Variants in PITPNM1 observed in about 807,000 individuals in gnomAD.
The protein encoded by PITPNM1 is membrane-associated phosphatidylinositol transfer protein 1.
A neutral mutation model predicts 133.3 loss-of-function variants in PITPNM1; 74 were observed. The observed-to-expected ratio is 0.56, with a 90% confidence interval of 0.46 to 0.67. The LOEUF (loss-of-function observed/expected upper bound fraction) is 0.67. Ranked by LOEUF, PITPNM1 falls within the 30% of genes least tolerant of loss-of-function variation. The probability of loss-of-function intolerance (pLI) is 0.00; values close to 1 mark genes in which losing one functional copy is unlikely to be tolerated. For synonymous variants in PITPNM1, 738 were observed against 741.4 expected (o/e 1.00, Z 0.08); for missense variants, 1,398 against 1,739.5 (o/e 0.80, Z 3.49).
At position 67,498,205 on chromosome 11, in the gene PITPNM1, G is replaced by T. The variant is rs763694389; in HGVS notation, c.1602C>A (p.Thr534=). Residue 534 remains threonine, a synonymous_variant, in exon 11 of 24, where the codon ACC becomes ACA. Coordinates refer to ENST00000356404, the MANE Select transcript of PITPNM1 (RefSeq NM_004910.3). This position sits in a 1 kb window ranked among gnomAD's most constrained non-coding sequence, Gnocchi z 5.7. Reference sequence around the variant, plus strand: ...AGGCCTGGTTGGTGCGGGCAATGACGGTGGCCACGGCGCCCTGGTAGCGGG... The same window carrying T: ...AGGCCTGGTTGGTGCGGGCAATGACTGTGGCCACGGCGCCCTGGTAGCGGG... ...SSSRYQGAVA[T]VIARTNQAYS... 10 of 1,613,100 alleles carry T rather than the reference G, an allele frequency of 6.2e-6. No homozygotes were observed. The highest frequency in any genetic ancestry group is 7.6e-6 in the Non-Finnish European group (9 of 1,179,866).
intron 2 of PITPNM1, chr11:67,503,867 A>C: frequency 1.4e-4 from 55 of 390,998 alleles, no homozygotes; most frequent in Non-Finnish European, 1.4e-4. Context: ...CCCCGATGGG[A>C]TTACAGATCC....
chr11:67,492,850 CCA>C, intron 23 of PITPNM1, 82 bp downstream of exon 23: 2 of 1,507,568 alleles, frequency 1.3e-6, no homozygotes, highest in Non-Finnish European at 1.8e-6. Context: ...CACATCTTCC[CCA>C]GAGTCCGTGG....
At chr11:67,503,832 G>GC (rs1866407944) in intron 2 of PITPNM1, 1 of 354,304 alleles carries the variant, frequency 2.8e-6, no homozygotes, top group African/African-American at 2.1e-5. Flanking sequence ...CCTCATTCTT[G>GC]CCGCCTCCTG....
chr11:67,498,453 T>A lies in PITPNM1; in HGVS notation c.1485-131A>T. The A allele has an allele frequency of 1.4e-6, 2 of 1,425,274 alleles. No homozygotes were observed. The highest frequency in any genetic ancestry group is 1.9e-6 in the Non-Finnish European group (2 of 1,062,082). The allele number at this position is 1,425,274 out of a possible 1,614,324, so 88.3% of individuals were successfully genotyped here. A position where few individuals can be genotyped will look rare whatever the true frequency, so the allele number is the denominator to read the frequency against. ...GGGAGCGTTAGCCCCAAGAGGCAAC[T>A]GAAATGGAGCCATTCTCCAGAACAG... On this transcript the variant is annotated intron_variant, in intron 10 of 23. Coordinates refer to ENST00000356404, the MANE Select transcript of PITPNM1 (RefSeq NM_004910.3). The surrounding 1 kb of genome is among the most constrained non-coding windows in gnomAD (Gnocchi z 5.7).
chr11:67,495,038 G>C, intron 17 of PITPNM1, 39 bp downstream of exon 17: 1 of 1,604,792 alleles, frequency 6.2e-7, no homozygotes, highest in Non-Finnish European at 8.5e-7. Context: ...GCCCATCCCC[G>C]TCCCATTCTC....
In PITPNM1 at chr11:67,497,810, A is replaced by G. The variant is rs572504192; in HGVS notation, c.1782+107T>C. 4.1e-6 allele frequency: 6 copies of G among 1,461,492 alleles called. No homozygotes were observed. In the East Asian group the frequency reaches 1.4e-4, roughly 34 times the overall value. The allele number at this position is 1,461,492 out of a possible 1,614,324, so 90.5% of individuals were successfully genotyped here. A position where few individuals can be genotyped will look rare whatever the true frequency, so the allele number is the denominator to read the frequency against. On this transcript the variant is annotated intron_variant, in intron 12 of 23. Transcript: ENST00000356404. ...CAGAGAAGACATGAACTGGCAGGGC[A>G]GCAGGGGGCCTGCCTGCTGGCAGAG...
chr11:67,504,085 T>C lies in PITPNM1; in HGVS notation c.78+18A>G. On this transcript the variant is annotated intron_variant, in intron 2 of 23. Coordinates refer to ENST00000356404, the MANE Select transcript of PITPNM1 (RefSeq NM_004910.3). This position sits in a 1 kb window ranked among gnomAD's most constrained non-coding sequence, Gnocchi z 5.4. Reference sequence around the variant, plus strand: ...GGCTCCACCCCTTGCCCGGGTGCCCTCTCCCCGCCGCCCTCACCTGGATCA... The same window carrying C: ...GGCTCCACCCCTTGCCCGGGTGCCCCCTCCCCGCCGCCCTCACCTGGATCA... The C allele has an allele frequency of 1.3e-6, 2 of 1,579,196 alleles. No homozygotes were observed. Among genetic ancestry groups the C allele is most frequent in the African/African-American group, 1.3e-5 (1 of 74,304 alleles).
At position 67,497,950 on chromosome 11, in the gene PITPNM1, G is replaced by A. The variant is rs745933424; in HGVS notation, c.1749C>T (p.Thr583=). 18 of 1,610,924 alleles carry A rather than the reference G, an allele frequency of 1.1e-5. No homozygotes were observed. Among genetic ancestry groups the A allele is most frequent in the Admixed American group, 5.0e-5 (3 of 59,990 alleles). ...CACGGCGGCTGCTGCCCCGACTCCC[G>A]GTGCCCGCGTTAGCACTGTGGCAGA... ...DALCHSANAG[T]GSRGSSRRGS... is the part of the protein sequence containing the mutation. The change falls in exon 12 of 24, where the codon ACC becomes ACT. Residue 583 remains threonine (T), a synonymous_variant. Transcript: ENST00000356404.
At chr11:67,499,659 C>A (rs1217197875) in intron 8 of PITPNM1, 64 bp downstream of exon 8, 25 of 695,686 alleles carry the variant, frequency 3.6e-5, no homozygotes, top group Non-Finnish European at 5.1e-5. Context: ...TCTTAAGATG[C>A]CATTAAACTC....
At position 67,502,377 on chromosome 11, in the gene PITPNM1, T is replaced by C. The variant is rs1039719789; in HGVS notation, c.330A>G (p.Glu110=). 4 of 1,613,784 alleles carry C rather than the reference T, an allele frequency of 2.5e-6. No homozygotes were observed. The highest frequency in any genetic ancestry group is 3.4e-6 in the Non-Finnish European group (4 of 1,180,036). The change falls in exon 4 of 24, where the codon GAA becomes GAG. Residue 110 remains glutamate (E), a synonymous_variant. Transcript: ENST00000356404. The surrounding 1 kb of genome is among the most constrained non-coding windows in gnomAD (Gnocchi z 5.9). Reference sequence around the variant, plus strand: ...CATCAGGCAGGTAATAGGTCTCAATTTCAATGGAGAATTTCTCCACGAAAG... The same window carrying C: ...CATCAGGCAGGTAATAGGTCTCAATCTCAATGGAGAATTTCTCCACGAAAG... ...TCPFVEKFSI[E]IETYYLPDGG...
chr11:67,494,210 A>T, intron 19 of PITPNM1, 34 bp downstream of exon 19: 2 of 1,595,156 alleles, frequency 1.3e-6, no homozygotes, highest in Non-Finnish European at 1.7e-6. Flanking sequence ...AGATGGGGCC[A>T]TGGGACCAGG....
Position 67,493,759 on chromosome 11 carries a change from G to T in PITPNM1, c.3087C>A (p.Gly1029=). ...TGATGGAGACGCTGGCGGTGAAGGA[G>T]CCGTCGATGCTGAAGACCACAGCCT... is the stretch of plus-strand genomic sequence containing the variant. The part of the protein sequence containing the change: ...GTEAVVFSID[G]SFTASVSIMG... Residue 1029 remains glycine, a synonymous_variant, in exon 21 of 24, where the codon GGC becomes GGA. Coordinates refer to ENST00000356404, the MANE Select transcript of PITPNM1 (RefSeq NM_004910.3). 1 of 1,549,020 alleles carries T rather than the reference G, an allele frequency of 6.5e-7. No individual in the cohort carries two copies. Among genetic ancestry groups the T allele is most frequent in the Non-Finnish European group, 8.7e-7 (1 of 1,147,556 alleles).
At chr11:67,499,151 A>G in intron 8 of PITPNM1, 150 bp from the exon 9 acceptor site, 1 of 745,754 alleles carries the variant, frequency 1.3e-6, no homozygotes, top group East Asian at 2.7e-5. Context: ...CTCCCAGGTC[A>G]GTTTGTATTT....
upstream of PITPNM1, chr11:67,506,047 C>T (rs1866501854): frequency 6.6e-6 from 1 of 152,402 alleles, no homozygotes; most frequent in South Asian, 2.1e-4. Context: ...GCCAGCCCCT[C>T]CCCTTGACAC....
chr11:67,493,641 C>G (rs1305881137), intron 21 of PITPNM1, 47 bp downstream of exon 21: 1 of 1,544,690 alleles, frequency 6.5e-7, no homozygotes, highest in Non-Finnish European at 8.7e-7. Flanking sequence ...GGGTGAGGGG[C>G]CGGTCACCCC....
rs539234152 is a variant in PITPNM1, at chr11:67,499,918, G to A, written c.1059C>T (p.Ala353=). ...ENSSEEEFFD[A]HEGFSDSEEV... ...AAAAAGGGCCTCAGTGCTGACCGTG[G>A]GCATCAAAGAACTCTTCCTCGGAGC... Residue 353 remains alanine, a synonymous_variant, in exon 7 of 24, where the codon GCC becomes GCT. Transcript: ENST00000356404. 49 of 1,611,768 alleles carry A rather than the reference G, an allele frequency of 3.0e-5. No individual in the cohort carries two copies. The highest frequency in any genetic ancestry group is 4.0e-5 in the Non-Finnish European group (47 of 1,179,222).
chr11:67,494,475 G>A, intron 18 of PITPNM1, 115 bp from the exon 19 acceptor site: 3 of 740,190 alleles, frequency 4.1e-6, no homozygotes, highest in Non-Finnish European at 6.5e-6. Context: ...GAGGCGGCGG[G>A]GCATTGAGGG....
chr11:67,505,112 T>A lies in PITPNM1; in HGVS notation c.-42+76A>T, dbSNP rs1866458025. ...CGCGAGCAAGCGAGAGGCCCCGTTGTCCCCACTTCCCTCTGCTCGCCGGCG... is the reference window on the plus strand; with the variant it reads ...CGCGAGCAAGCGAGAGGCCCCGTTGACCCCACTTCCCTCTGCTCGCCGGCG... On this transcript the variant is annotated intron_variant, in intron 1 of 23. Coordinates refer to ENST00000356404, the MANE Select transcript of PITPNM1 (RefSeq NM_004910.3). This position sits in a 1 kb window ranked among gnomAD's most constrained non-coding sequence, Gnocchi z 5.8. 6.5e-6 allele frequency: 1 copy of A among 152,678 alleles called. No individual in the cohort carries two copies. The highest frequency in any genetic ancestry group is 1.5e-5 in the Non-Finnish European group (1 of 68,400). 9.5% of individuals were successfully genotyped at this position (152,678 alleles called of 1,614,324 possible). A position where few individuals can be genotyped will look rare whatever the true frequency, so the allele number is the denominator to read the frequency against.
In PITPNM1 at chr11:67,492,045, G is replaced by A. The variant is rs771595855; in HGVS notation, c.3723C>T (p.Asp1241=). ...GKARSISLKL[D]SEE is the part of the protein sequence containing the mutation. Reference sequence around the variant, plus strand: ...GCTGGTGTGGGCCTCACTCCTCGCTGTCCAGCTTCAGGCTGATGCTCCGTG... The same window carrying A: ...GCTGGTGTGGGCCTCACTCCTCGCTATCCAGCTTCAGGCTGATGCTCCGTG... Residue 1241 remains aspartate, a synonymous_variant, in exon 24 of 24, where the codon GAC becomes GAT. Coordinates refer to ENST00000356404, the MANE Select transcript of PITPNM1 (RefSeq NM_004910.3). The A allele has an allele frequency of 6.2e-7, 1 of 1,612,310 alleles. No homozygotes were observed. Among genetic ancestry groups the A allele is most frequent in the Non-Finnish European group, 8.5e-7 (1 of 1,179,762 alleles).
Sources: gnomAD v4.1 joint callset for allele counts on GRCh38, gnomAD v4.1.1 for gene constraint, Gnocchi (gnomAD v3.1) non-coding constraint, MANE v1.5 for transcripts, NCBI Gene and HGNC (gene_info 2026-07-23, HGNC 2026-07-21) for gene names.